The following AKAP19 variants were observed in gnomAD, a reference collection of about 807,000 sequenced individuals.
AKAP19 encodes small A-kinase anchoring protein.
the AKAP19 span, among the ~76,000 whole-genome samples, chr2:189,982,345 A>T: frequency 6.6e-6 from 1 of 152,138 alleles, no homozygotes; most frequent in Admixed American, 6.5e-5. Flanking sequence ...TTTCAATTCC[A>T]GAAGTTTTCT....
chr2:190,060,153 G>T, the AKAP19 span: 2 of 1,612,800 alleles, frequency 1.2e-6, no homozygotes, highest in Non-Finnish European at 1.7e-6. Flanking sequence ...GTTGGATTCA[G>T]GTTGTTTGAG....
chr2:190,180,137 A>T, the AKAP19 span, among the ~76,000 whole-genome samples: 1 of 152,234 alleles, frequency 6.6e-6, no homozygotes, highest in Non-Finnish European at 1.5e-5. The surrounding 1 kb of genome is among the most constrained non-coding windows in gnomAD (Gnocchi z 6.8). Context: ...ATGTTTAAGT[A>T]CTTCCAACAC....
the AKAP19 span, among the ~76,000 whole-genome samples, chr2:190,122,331 G>A: frequency 6.6e-6 from 1 of 152,168 alleles, no homozygotes; most frequent in Non-Finnish European, 1.5e-5. Context: ...AAAGATGGCT[G>A]TTACCAGATC....
At chr2:190,184,683 A>G in the AKAP19 span, among the ~76,000 whole-genome samples, 1 of 152,152 alleles carries the variant, frequency 6.6e-6, no homozygotes, top group Non-Finnish European at 1.5e-5. Flanking sequence ...CAAAGATAGT[A>G]CTTGGGTTTA....
the AKAP19 span, among the ~76,000 whole-genome samples, chr2:190,087,719 C>T: frequency 6.6e-6 from 1 of 152,242 alleles, no homozygotes; most frequent in Non-Finnish European, 1.5e-5. Context: ...ATGAACCCTT[C>T]CACCCTGAGG....
chr2:190,111,014 C>A, the AKAP19 span, among the ~76,000 whole-genome samples: 3 of 152,256 alleles, frequency 2.0e-5, no homozygotes, highest in South Asian at 2.1e-4. Flanking sequence ...GACTCTTAAT[C>A]TTTCTAAAGG....
At chr2:190,112,335 G>T in the AKAP19 span, among the ~76,000 whole-genome samples, 5 of 151,966 alleles carry the variant, frequency 3.3e-5, no homozygotes, top group African/African-American at 1.2e-4. Context: ...TCAGAAAGAG[G>T]AACACTATAG....
chr2:190,062,611 TATA>T, the AKAP19 span: 1 of 1,607,964 alleles, frequency 6.2e-7, no homozygotes, highest in Admixed American at 1.7e-5. Context: ...TTAAAATCAA[TATA>T]ATCTTTTTTC....
the AKAP19 span, among the ~76,000 whole-genome samples, chr2:189,960,347 C>G: frequency 3.9e-5 from 6 of 152,158 alleles, no homozygotes; most frequent in African/African-American, 1.4e-4. Flanking sequence ...CTAGGGTTCC[C>G]AGATAAACTG....
chr2:189,957,188 A>C, the AKAP19 span, among the ~76,000 whole-genome samples: 1 of 152,206 alleles, frequency 6.6e-6, no homozygotes, highest in Non-Finnish European at 1.5e-5. Flanking sequence ...AAAATAAAAT[A>C]AAATAAAAGT....
At chr2:190,161,634 G>A in the AKAP19 span, among the ~76,000 whole-genome samples, 2 of 152,150 alleles carry the variant, frequency 1.3e-5, no homozygotes, top group Non-Finnish European at 1.5e-5. Flanking sequence ...AAGACAAAAT[G>A]CAGTAGCTCA....
chr2:190,164,506 G>A, the AKAP19 span, among the ~76,000 whole-genome samples: 323 of 152,112 alleles, frequency 2.1e-3, 1 homozygote, highest in African/African-American at 7.1e-3. Flanking sequence ...CTCCAGCCTG[G>A]GCAACAGAGC....
the AKAP19 span, among the ~76,000 whole-genome samples, chr2:189,940,640 G>A: frequency 6.6e-6 from 1 of 152,122 alleles, no homozygotes; most frequent in African/African-American, 2.4e-5. Flanking sequence ...TAAATATTCA[G>A]GTATTGAAAG....
chr2:190,174,756 T>C, the AKAP19 span, among the ~76,000 whole-genome samples: 29 of 152,246 alleles, frequency 1.9e-4, no homozygotes, highest in Middle Eastern at 3.2e-3. Context: ...AACAATGTCT[T>C]ATACTCACAT....
At chr2:189,891,306 C>T in the AKAP19 span, among the ~76,000 whole-genome samples, 1 of 143,722 alleles carries the variant, frequency 7.0e-6, no homozygotes, top group South Asian at 2.2e-4. Flanking sequence ...TCACTGCAAC[C>T]TCTGCCTCCC....
At chr2:190,063,960 A>G in the AKAP19 span, among the ~76,000 whole-genome samples, 1 of 151,964 alleles carries the variant, frequency 6.6e-6, no homozygotes, top group African/African-American at 2.4e-5. Context: ...TCTTTTTCCT[A>G]CTCCTTTTTG....
chr2:189,940,542 G>A, the AKAP19 span, among the ~76,000 whole-genome samples: 2 of 152,108 alleles, frequency 1.3e-5, no homozygotes, highest in Admixed American at 6.5e-5. Context: ...AAGAATTACT[G>A]GTGTTTAAGA....
At chr2:190,054,878 TG>T in the AKAP19 span, among the ~76,000 whole-genome samples, 1 of 152,204 alleles carries the variant, frequency 6.6e-6, no homozygotes, top group Non-Finnish European at 1.5e-5. Flanking sequence ...ACACTGTTGG[TG>T]GAACTGTAAA....
the AKAP19 span, among the ~76,000 whole-genome samples, chr2:190,144,191 A>G: frequency 4.6e-5 from 7 of 150,540 alleles, no homozygotes; most frequent in African/African-American, 1.7e-4. Context: ...GAAAAGAAAA[A>G]AAATATTAAT....
Sources: allele counts gnomAD v4.1 joint callset (sites outside exome capture counted in the v4.1 genomes callset), GRCh38; gene constraint gnomAD v4.1.1; non-coding constraint Gnocchi (gnomAD v3.1); transcripts MANE v1.5; gene names NCBI Gene and HGNC (gene_info 2026-07-23, HGNC 2026-07-21).